Variants in TCF20 observed in about 807,000 individuals in gnomAD.
TCF20 encodes transcription factor 20.
In TCF20, 3 loss-of-function variants were observed where a neutral mutation model predicts 148.6. The observed-to-expected ratio is 0.02, with a 90% CI of 0.01 to 0.05. The LOEUF is 0.05. TCF20 is among the 10% of genes least tolerant of loss of function. The pLI is 1.00. For missense variants in TCF20, 2,350 were observed against 2,429.3 expected (o/e 0.97, Z 0.69); for synonymous variants, 1,049 against 909.5 (o/e 1.15, Z -2.76).
chr22:42,184,697 T>G (rs1007232475), intron 2 of TCF20, among the ~76,000 whole-genome samples: 7 of 152,196 alleles, frequency 4.6e-5, no homozygotes, highest in Admixed American at 4.6e-4. Flanking sequence ...AAGCATGATT[T>G]CTAAATTAAG....
intron 1 of TCF20, among the ~76,000 whole-genome samples, chr22:42,218,812 T>G (rs913324375): frequency 6.9e-6 from 1 of 144,988 alleles, no homozygotes; most frequent in Non-Finnish European, 1.6e-5. Context: ...GACTCCTTCT[T>G]AGGTCTGTTC....
intron 1 of TCF20, among the ~76,000 whole-genome samples, chr22:42,323,638 G>A (rs187545967): frequency 1.5e-4 from 23 of 151,960 alleles, no homozygotes; most frequent in East Asian, 7.7e-4. Flanking sequence ...GAGGAGAAGC[G>A]GGAAGCAGGC....
chr22:42,216,128 C>T (rs1353665921), intron 1 of TCF20, among the ~76,000 whole-genome samples: 1 of 106,928 alleles, frequency 9.4e-6, no homozygotes, highest in Non-Finnish European at 1.7e-5. Context: ...CTCACTCTTG[C>T]CCAGGCTGGA....
intron 1 of TCF20, among the ~76,000 whole-genome samples, chr22:42,322,097 G>A (rs948234504): frequency 2.0e-5 from 3 of 151,822 alleles, no homozygotes; most frequent in South Asian, 2.1e-4. Flanking sequence ...CAGGTATTAC[G>A]GCTGCTGTTA....
rs1927565791 is a variant in TCF20, at chr22:42,313,124, G to T, written c.-37+30355C>A. ...TCACCTTCCCCACCTGGGAGTGCAG[G>T]TGCTAATGCCCACCTGTGGGCTGTG... is the stretch of plus-strand genomic sequence containing the variant. On this transcript the variant is annotated intron_variant, in intron 1 of 1. Transcript: ENST00000515426. Among the ~76,000 whole-genome samples the T allele has an allele frequency of 2.6e-5, 4 of 152,200 alleles. No homozygotes were observed. The South Asian group carries it at 8.3e-4, about 32-fold the overall frequency.
At chr22:42,174,895 C>A (rs1049863024) in intron 3 of TCF20, among the ~76,000 whole-genome samples, 1 of 151,980 alleles carries the variant, frequency 6.6e-6, no homozygotes, top group Non-Finnish European at 1.5e-5. Context: ...ATTAGCCGGG[C>A]GTGGCGGCGG....
chr22:42,250,666 G>A (rs1347537813), intron 1 of TCF20, among the ~76,000 whole-genome samples: 1 of 152,086 alleles, frequency 6.6e-6, no homozygotes, highest in Non-Finnish European at 1.5e-5. Flanking sequence ...ATGCAACTAC[G>A]GTTAGTATAC....
intron 1 of TCF20, among the ~76,000 whole-genome samples, chr22:42,327,439 C>T (rs981874243): frequency 6.6e-6 from 1 of 152,114 alleles, no homozygotes; most frequent in Non-Finnish European, 1.5e-5. Flanking sequence ...AGGGCACAGG[C>T]CTCTCCACCA....
At position 42,213,655 on chromosome 22, in the gene TCF20, C is replaced by T. The variant is rs767196312; in HGVS notation, c.1651G>A (p.Gly551Arg). Residue 551 changes from glycine to arginine, a missense_variant, in exon 2 of 6, where the codon GGA (glycine) becomes AGA (arginine). Around this residue, in one of 7 missense-constraint regions of TCF20, gnomAD observed 1,641 missense variants for 1,662.6 expected, o/e 0.99. Transcript: ENST00000677622. ...STSSDTTYKG[G>R]ASEKAGSSPA... ...GAGGAGCCAGCTTTCTCAGAGGCTC[C>T]ACCCTTGTAGGTGGTGTCAGAGCTG... 6.2e-7 allele frequency: 1 copy of T among 1,614,140 alleles called. No individual in the cohort carries two copies. Among genetic ancestry groups the T allele is most frequent in the South Asian group, 1.1e-5 (1 of 91,088 alleles).
intron 1 of TCF20, among the ~76,000 whole-genome samples, chr22:42,234,856 T>G (rs1397277068): frequency 6.6e-6 from 1 of 152,104 alleles, no homozygotes; most frequent in African/African-American, 2.4e-5. Flanking sequence ...ATAAGAACTT[T>G]GTGCCGGGTG....
chr22:42,325,574 G>A (rs1379044048), intron 1 of TCF20, among the ~76,000 whole-genome samples: 3 of 152,204 alleles, frequency 2.0e-5, no homozygotes, highest in African/African-American at 7.2e-5. Flanking sequence ...TTCAATTCTG[G>A]CCACGTCTGT....
At chr22:42,163,668 C>T (rs776045178) in intron 5 of TCF20, among the ~76,000 whole-genome samples, 4 of 152,176 alleles carry the variant, frequency 2.6e-5, no homozygotes, top group Middle Eastern at 6.3e-3. Context: ...CTAGGGGCTG[C>T]GTATGCTAGG....
At chr22:42,169,967 A>T (rs1936023113) in intron 3 of TCF20, 71 bp from the exon 4 acceptor site, 1 of 1,520,380 alleles carries the variant, frequency 6.6e-7, no homozygotes, top group Non-Finnish European at 9.1e-7. Flanking sequence ...GCTGGCTGGG[A>T]TTGACAGGGT....
chr22:42,269,675 G>C (rs1926485863), intron 1 of TCF20: 2 of 152,438 alleles, frequency 1.3e-5, no homozygotes, highest in Non-Finnish European at 2.9e-5. Flanking sequence ...CCCGCGGCGC[G>C]GGAGGAGAGG....
upstream of TCF20, among the ~76,000 whole-genome samples, chr22:42,285,532 G>T (rs1279276679): frequency 1.3e-5 from 2 of 152,108 alleles, no homozygotes; most frequent in African/African-American, 4.8e-5. This position sits in a 1 kb window ranked among gnomAD's most constrained non-coding sequence, Gnocchi z 4.2. Context: ...AGCCCTTCTA[G>T]ATAAACTACT....
intron 2 of TCF20, among the ~76,000 whole-genome samples, chr22:42,195,051 T>G (rs1291275442): frequency 6.6e-6 from 1 of 150,862 alleles, no homozygotes; most frequent in Non-Finnish European, 1.5e-5. Flanking sequence ...TTTCAATGTC[T>G]AGGAGGCATC....
rs774786247 is a variant in TCF20 at position 42,290,152 on chromosome 22, C to T, written c.-37+53327G>A. ...AGGGCCAGCAGGAGGCAGGGCTGGG[C>T]CCCAATCCTTGCTGGGGGCCAGGGC... On this transcript the variant is annotated intron_variant, in intron 1 of 1. Coordinates refer to the TCF20 transcript ENST00000515426. The surrounding 1 kb of genome is among the most constrained non-coding windows in gnomAD (Gnocchi z 4.2). 8.6e-5 allele frequency among the ~76,000 whole-genome samples: 13 copies of T among 151,986 alleles called. No individual in the cohort carries two copies. Among genetic ancestry groups the T allele is most frequent in the Non-Finnish European group, 1.3e-4 (9 of 67,960 alleles).
At chr22:42,232,006 T>C (rs1303289250) in intron 1 of TCF20, among the ~76,000 whole-genome samples, 1 of 152,040 alleles carries the variant, frequency 6.6e-6, no homozygotes, top group Non-Finnish European at 1.5e-5. Context: ...ATAAATTTAG[T>C]GTAGTCCAAA....
chr22:42,314,425 C>A (rs1380222196), intron 1 of TCF20, among the ~76,000 whole-genome samples: 1 of 152,242 alleles, frequency 6.6e-6, no homozygotes, highest in Non-Finnish European at 1.5e-5. Flanking sequence ...ATGGCCACAT[C>A]GCAGGCCCTC....
Sources: gnomAD v4.1 joint callset for allele counts (sites outside exome capture counted in the v4.1 genomes callset) on GRCh38, gnomAD v4.1.1 for gene constraint, gnomAD v4.1.1 regional missense constraint, Gnocchi (gnomAD v3.1) non-coding constraint, MANE v1.5 for transcripts, NCBI Gene and HGNC (gene_info 2026-07-23, HGNC 2026-07-21) for gene names.